The following FILIP1L variants were observed in gnomAD, a reference collection of about 807,000 sequenced individuals.
The protein encoded by FILIP1L is filamin A-interacting protein 1-like.
Under a neutral mutation model 96.6 loss-of-function variants are expected in FILIP1L, and 55 were observed. The observed-to-expected ratio is 0.57, with a 90% confidence interval of 0.46 to 0.71. The LOEUF is 0.71. FILIP1L is among the 30% of genes least tolerant of loss of function. The pLI, the probability that FILIP1L is intolerant of heterozygous loss-of-function variation, is 0.00. For missense variants in FILIP1L, 1,304 were observed against 1,321.2 expected, an observed-to-expected ratio of 0.99 and a Z score of 0.20; for synonymous variants, 467 against 473.9, an observed-to-expected ratio of 0.99 and a Z score of 0.19.
At chr3:99,993,713 T>C (rs1709590965) in intron 1 of FILIP1L, among the ~76,000 whole-genome samples, 1 of 152,224 alleles carries the variant, frequency 6.6e-6, no homozygotes, top group Non-Finnish European at 1.5e-5. Flanking sequence ...TCAAATGCTT[T>C]TTCTGTGTAT....
At chr3:100,045,838 AATG>A (rs1353489984) in intron 1 of FILIP1L, among the ~76,000 whole-genome samples, 1 of 152,142 alleles carries the variant, frequency 6.6e-6, no homozygotes, top group African/African-American at 2.4e-5. Flanking sequence ...TGGCATTCCT[AATG>A]ATGATAATGA....
intron 1 of FILIP1L, among the ~76,000 whole-genome samples, chr3:100,062,185 C>A (rs550517771): frequency 3.6e-4 from 49 of 136,884 alleles, no homozygotes; most frequent in African/African-American, 1.4e-3. Context: ...GATCTTGGCT[C>A]ACTGCAAGCT....
intron 4 of FILIP1L, among the ~76,000 whole-genome samples, chr3:99,892,238 T>C (rs1706105852): frequency 6.6e-6 from 1 of 152,172 alleles, no homozygotes; most frequent in Non-Finnish European, 1.5e-5. Context: ...GTCTCCAATT[T>C]TGTATGGAGA....
At chr3:99,853,395 A>G (rs189157288) in intron 4 of FILIP1L, among the ~76,000 whole-genome samples, 1 of 152,358 alleles carries the variant, frequency 6.6e-6, no homozygotes, top group Non-Finnish European at 1.5e-5. Context: ...AAATTATAGC[A>G]TGTGCTATGT....
rs767048180 is a variant in FILIP1L, at chr3:99,849,599, T to C, written c.2077A>G (p.Thr693Ala). The C allele has an allele frequency of 1.2e-6, 2 of 1,613,556 alleles. No homozygotes were observed. Among genetic ancestry groups the C allele is most frequent in the South Asian group, 2.2e-5 (2 of 91,064 alleles). ...ELAKYKLAEK[T>A]ETSHEQWLFK... ...AGCCATTGTTCATGGCTGGTCTCTG[T>C]CTTTTCTGCTAACTTGTACTTAGCA... The change falls in exon 5 of 6, where the codon ACA becomes GCA. Residue 693 changes from threonine to alanine, a missense_variant. Physicochemically the swap from Thr to Ala is moderately conservative, Grantham distance 58. Transcript: ENST00000477258.
At chr3:99,897,897 G>A (rs898051346) in intron 4 of FILIP1L, among the ~76,000 whole-genome samples, 12 of 152,252 alleles carry the variant, frequency 7.9e-5, no homozygotes, top group Middle Eastern at 3.4e-3. Flanking sequence ...TATGTCCAGT[G>A]TTCATAGTTA....
At chr3:99,995,994 C>T (rs939509861) in intron 1 of FILIP1L, among the ~76,000 whole-genome samples, 19 of 152,086 alleles carry the variant, frequency 1.2e-4, no homozygotes, top group East Asian at 1.9e-4. Flanking sequence ...GATTAACATT[C>T]GGCTCCTTGT....
At chr3:99,866,909 G>A (rs1293915733) in intron 4 of FILIP1L, among the ~76,000 whole-genome samples, 2 of 152,096 alleles carry the variant, frequency 1.3e-5, no homozygotes, top group Non-Finnish European at 2.9e-5. Context: ...TGCATGCTTT[G>A]TACAAATTAA....
intron 4 of FILIP1L, among the ~76,000 whole-genome samples, chr3:99,866,342 A>C (rs564963796): frequency 6.6e-6 from 1 of 152,272 alleles, no homozygotes; most frequent in East Asian, 1.9e-4. Flanking sequence ...GGCAGTGGCT[A>C]AAGTGGTATG....
At chr3:99,890,728 GTT>G (rs375497653) in intron 4 of FILIP1L, among the ~76,000 whole-genome samples, 1,754 of 142,880 alleles carry the variant, frequency 0.012, 17 homozygotes, top group African/African-American at 0.027. Context: ...CCAATCCGCT[GTT>G]TTTTTTTTTC....
In FILIP1L at chr3:99,930,954, G is replaced by A. The variant is rs1367237814; in HGVS notation, c.67C>T (p.His23Tyr). 6.2e-7 allele frequency: 1 copy of A among 1,613,500 alleles called. No individual in the cohort carries two copies. The highest frequency in any genetic ancestry group is 1.3e-5 in the African/African-American group (1 of 74,854). Reference sequence around the variant, plus strand: ...ATGTTTTTAGGCCCTTGGAAACTGTGGCCTTTAGTATGTCTTGGAAATTTC... The same window carrying A: ...ATGTTTTTAGGCCCTTGGAAACTGTAGCCTTTAGTATGTCTTGGAAATTTC... ...QKKFPRHTKG[H>Y]SFQGPKNMKH... Residue 23 changes from histidine (H) to tyrosine (Y), a missense_variant, in exon 2 of 6, where the codon CAC (histidine) becomes TAC (tyrosine). Coordinates refer to ENST00000477258, the MANE Select transcript of FILIP1L (RefSeq NM_001387850.1).
At chr3:99,946,546 G>A (rs1708013732) in intron 1 of FILIP1L, among the ~76,000 whole-genome samples, 2 of 152,188 alleles carry the variant, frequency 1.3e-5, no homozygotes. Flanking sequence ...TAAAGAATGG[G>A]CTGAAGGCAT....
intron 4 of FILIP1L, among the ~76,000 whole-genome samples, chr3:99,884,814 T>C (rs1705840327): frequency 6.6e-6 from 1 of 152,270 alleles, no homozygotes; most frequent in South Asian, 2.1e-4. Flanking sequence ...CATGGAATGC[T>C]GTTTACAGGT....
intron 1 of FILIP1L, among the ~76,000 whole-genome samples, chr3:100,098,007 G>A (rs1039992169): frequency 3.3e-5 from 5 of 152,192 alleles, no homozygotes; most frequent in African/African-American, 1.2e-4. Context: ...GCTAGGCATA[G>A]TAATGGTACG....
chr3:99,850,451 G>C lies in FILIP1L; in HGVS notation c.1225C>G (p.Gln409Glu). The C allele has an allele frequency of 6.2e-7, 1 of 1,613,954 alleles. No individual in the cohort carries two copies. Among genetic ancestry groups the C allele is most frequent in the Non-Finnish European group, 8.5e-7 (1 of 1,179,986 alleles). The stretch of plus-strand genomic sequence containing the variant: ...ACCTCTAGTTTAAAGTCTTTACTCT[G>C]TAACGTCTCCCTTTCAAGCCTCTTA... ...LNKRLERETL[Q>E]SKDFKLEVEK... Residue 409 changes from glutamine to glutamate, a missense_variant, in exon 5 of 6, where the codon CAG (glutamine) becomes GAG (glutamate). Gln to Glu is a conservative substitution (Grantham distance 29). Transcript: ENST00000477258.
chr3:99,845,758 TTTAA>T (rs1472934289), intron 5 of FILIP1L, among the ~76,000 whole-genome samples: 2 of 152,224 alleles, frequency 1.3e-5, no homozygotes, highest in Non-Finnish European at 2.9e-5. Context: ...CTTTATGAAC[TTTAA>T]TTAGTAACAC....
intron 1 of FILIP1L, chr3:100,109,909 C>CG (rs1302617934): frequency 8.2e-6 from 1 of 121,416 alleles, no homozygotes; most frequent in Non-Finnish European, 1.7e-5. Context: ...TATGACCCCC[C>CG]CCCCCCAGCA....
intron 1 of FILIP1L, among the ~76,000 whole-genome samples, chr3:100,008,868 T>C (rs1710064441): frequency 6.6e-6 from 1 of 152,214 alleles, no homozygotes; most frequent in Admixed American, 6.5e-5. Flanking sequence ...ATTTTATTCC[T>C]GGGCATGGGT....
intron 1 of FILIP1L, among the ~76,000 whole-genome samples, chr3:100,062,136 G>T (rs1291097549): frequency 1.2e-5 from 1 of 85,922 alleles, no homozygotes; most frequent in African/African-American, 5.2e-5. Context: ...TTTTGAGACG[G>T]AGTGTTGCTC....
Sources: allele counts gnomAD v4.1 joint callset (sites outside exome capture counted in the v4.1 genomes callset), GRCh38; gene constraint gnomAD v4.1.1; transcripts MANE v1.5; gene names NCBI Gene and HGNC (gene_info 2026-07-23, HGNC 2026-07-21).